The following PITPNM2 variants were observed in gnomAD, a reference collection of about 807,000 sequenced individuals.
PITPNM2 encodes the protein phosphatidylinositol transfer protein membrane associated 2.
A neutral mutation model predicts 132.2 loss-of-function variants in PITPNM2; 35 were observed. That is an observed-to-expected ratio of 0.26 (90% CI 0.20 to 0.35). The LOEUF (loss-of-function observed/expected upper bound fraction) is 0.35. Ranked by LOEUF, PITPNM2 falls within the 10% of genes least tolerant of loss-of-function variation. The pLI is 1.00. For missense variants in PITPNM2, 1,332 were observed against 1,912.0 expected (o/e 0.70, Z 5.66); for synonymous variants, 738 against 799.2 (o/e 0.92, Z 1.29).
chr12:123,006,719 GTAATAATAATAA>G lies in PITPNM2; in HGVS notation c.644-1183_644-1172del, dbSNP rs10612599. Among the ~76,000 whole-genome samples, 158 of 140,110 alleles carry G rather than the reference GTAATAATAATAA, an allele frequency of 1.1e-3. 1 individual carries two copies. Among genetic ancestry groups the G allele is most frequent in the Middle Eastern group, 3.6e-3 (1 of 278 alleles). The allele number at this position is 140,110 out of a possible 152,430, so 91.9% of individuals were successfully genotyped here. A position where few individuals can be genotyped will look rare whatever the true frequency, so the allele number is the denominator to read the frequency against. The stretch of plus-strand genomic sequence containing the variant: ...CAGAGTAAGACCCTGTCTCAAAATA[GTAATAATAATAA>G]TAATAATAATAATAATAATAATAGA... On this transcript the variant is annotated intron_variant, in intron 6 of 25. Transcript: ENST00000320201.
chr12:122,995,954 C>T (rs1332896388), intron 13 of PITPNM2, among the ~76,000 whole-genome samples: 3 of 152,218 alleles, frequency 2.0e-5, no homozygotes, highest in African/African-American at 7.2e-5. Flanking sequence ...CAGTGCAGAC[C>T]CTGGTTCAGG....
At position 123,000,250 on chromosome 12, in the gene PITPNM2, G is replaced by A; in HGVS notation, c.1224+528C>T. ...AAACAGCTCTGACGGCCCGCAGGTGGAGGAGGATGGGGCATGAACTCCCAC... is the reference window on the plus strand; with the variant it reads ...AAACAGCTCTGACGGCCCGCAGGTGAAGGAGGATGGGGCATGAACTCCCAC... On this transcript the variant is annotated intron_variant, in intron 10 of 25. Coordinates refer to ENST00000320201, the MANE Select transcript of PITPNM2 (RefSeq NM_020845.3). This position sits in a 1 kb window ranked among gnomAD's most constrained non-coding sequence, Gnocchi z 5.4. 2 of 606,970 alleles carry A rather than the reference G, an allele frequency of 3.3e-6. No individual in the cohort carries two copies. Among genetic ancestry groups the A allele is most frequent in the Non-Finnish European group, 5.9e-6 (2 of 340,870 alleles). 37.6% of individuals were successfully genotyped at this position (606,970 alleles called of 1,614,324 possible).
At chr12:123,145,605 T>C (rs2043598306) in intron 1 of PITPNM2, among the ~76,000 whole-genome samples, 1 of 152,182 alleles carries the variant, frequency 6.6e-6, no homozygotes, top group Admixed American at 6.5e-5. Flanking sequence ...GAAACTGATT[T>C]TTCCATGCTC....
At chr12:123,053,717 GCCA>G (rs2040934831) in intron 2 of PITPNM2, among the ~76,000 whole-genome samples, 1 of 151,992 alleles carries the variant, frequency 6.6e-6, no homozygotes, top group Non-Finnish European at 1.5e-5. Context: ...ACAGGCATGT[GCCA>G]CCACGCCCGG....
chr12:123,037,613 C>A (rs1361302440), intron 2 of PITPNM2, among the ~76,000 whole-genome samples: 1 of 152,196 alleles, frequency 6.6e-6, no homozygotes, highest in Admixed American at 6.5e-5. Context: ...CGAGTCTAAG[C>A]ATTCTGCCCT....
intron 18 of PITPNM2, among the ~76,000 whole-genome samples, chr12:122,989,183 C>A (rs2038075452): frequency 6.6e-6 from 1 of 152,184 alleles, no homozygotes; most frequent in Non-Finnish European, 1.5e-5. Flanking sequence ...GACCCTCTGC[C>A]CCGTGGCAAC....
rs1049229049 is a variant in PITPNM2, at chr12:122,992,403, C to A, written c.2404+96G>T. ...ATTCAGCACAAGCTGTCCCTCTCAC[C>A]TGGGGAAGAACCACGTAGCATGGAG... On this transcript the variant is annotated intron_variant, in intron 16 of 25. Transcript: ENST00000320201. This position sits in a 1 kb window ranked among gnomAD's most constrained non-coding sequence, Gnocchi z 6.5. 3.5e-6 allele frequency: 5 copies of A among 1,428,616 alleles called. No individual in the cohort carries two copies. In the African/African-American group the frequency reaches 5.8e-5, roughly 17 times the overall value. The allele number at this position is 1,428,616 out of a possible 1,614,324, so 88.5% of individuals were successfully genotyped here.
intron 3 of PITPNM2, among the ~76,000 whole-genome samples, chr12:123,024,141 A>G (rs1169899765): frequency 6.6e-6 from 1 of 152,238 alleles, no homozygotes; most frequent in African/African-American, 2.4e-5. Context: ...CATTTCTACA[A>G]AAAGATTATA....
At chr12:122,988,916 G>A in intron 18 of PITPNM2, 44 bp from the exon 19 acceptor site, 1 of 1,499,522 alleles carries the variant, frequency 6.7e-7, no homozygotes, top group South Asian at 1.3e-5. Context: ...TATAGCCCCA[G>A]ACAGGGACCC....
chr12:123,014,252 C>A (rs1238622193), intron 3 of PITPNM2, among the ~76,000 whole-genome samples: 1 of 152,246 alleles, frequency 6.6e-6, no homozygotes, highest in East Asian at 1.9e-4. Flanking sequence ...CTCTCCCAGA[C>A]CTAGTGCTGC....
chr12:123,035,165 A>G (rs940589885), intron 2 of PITPNM2, among the ~76,000 whole-genome samples: 5 of 152,236 alleles, frequency 3.3e-5, no homozygotes, highest in Non-Finnish European at 5.9e-5. Flanking sequence ...ACATCACTAC[A>G]TCCCAAGGGG....
At position 123,149,064 on chromosome 12, in the gene PITPNM2, C is replaced by T. The variant is rs759849897; in HGVS notation, c.-200+1689G>A. 7.4e-4 allele frequency among the ~76,000 whole-genome samples: 113 copies of T among 152,258 alleles called. 3 individuals carry two copies. In the Middle Eastern group the frequency reaches 0.01, roughly 14 times the overall value. ...CCCAGATCCCAGGGGGCCTTAGATA[C>T]GCAGAGGAATTCTTTCAGATTCCAT... On this transcript the variant is annotated intron_variant, in intron 1 of 25. Transcript: ENST00000320201.
rs2037926720 is a variant in PITPNM2, at chr12:122,986,249, G to A, written c.3828C>T (p.Gly1276=). 6.3e-7 allele frequency: 1 copy of A among 1,579,464 alleles called. No individual in the cohort carries two copies. The highest frequency in any genetic ancestry group is 1.3e-5 in the African/African-American group (1 of 74,686). Residue 1276 remains glycine, a synonymous_variant, in exon 26 of 26, where the codon GGC becomes GGT. Coordinates refer to ENST00000320201, the MANE Select transcript of PITPNM2 (RefSeq NM_020845.3). ...CGCCCTGGCCGGGCAGGCCGAAGCT[G>A]CCCTTGCGCAGCGCCATGCGGGTGG... ...NTATRMALRK[G]SFGLPGQGDF...
rs774846315 is a variant in PITPNM2, at chr12:123,013,981, G to T, written c.140C>A (p.Pro47Gln). ...GSGVEILENR[P>Q]YTDGPGGSGQ... ...AGAGCCGCCTGGGCCATCTGTGTAC[G>T]GCCGGTTCTCCAGGATCTCCACGCC... The change falls in exon 4 of 26, where the codon CCG (proline) becomes CAG (glutamine). Residue 47 changes from proline to glutamine, a missense_variant. Transcript: ENST00000320201. 6.2e-7 allele frequency: 1 copy of T among 1,614,244 alleles called. No homozygotes were observed. Among genetic ancestry groups the T allele is most frequent in the Non-Finnish European group, 8.5e-7 (1 of 1,180,042 alleles).
rs1326694199 is a variant in PITPNM2 at position 122,987,334 on chromosome 12, C to T, written c.3360G>A (p.Val1120=). 6 of 1,612,536 alleles carry T rather than the reference C, an allele frequency of 3.7e-6. No homozygotes were observed. In the East Asian group the frequency reaches 6.7e-5, roughly 18 times the overall value. ...FSIDGSFAAS[V]SIMGSDPKVR... is the part of the protein sequence containing the mutation. ...CCTTGGGGTCGCTGCCCATGATGGA[C>T]ACGCTAGCGGCAAAGGAACCGTCGA... Residue 1120 remains valine (V), a synonymous_variant, in exon 23 of 26, where the codon GTG becomes GTA. Transcript: ENST00000320201.
At chr12:123,021,971 A>G (rs2039686452) in intron 3 of PITPNM2, among the ~76,000 whole-genome samples, 1 of 152,216 alleles carries the variant, frequency 6.6e-6, no homozygotes, top group African/African-American at 2.4e-5. Context: ...AGGGAACATC[A>G]TCCCAGGATG....
intron 2 of PITPNM2, among the ~76,000 whole-genome samples, chr12:123,037,119 C>T (rs965967460): frequency 1.4e-4 from 21 of 152,178 alleles, no homozygotes; most frequent in African/African-American, 5.1e-4. Context: ...AAGCAATGGC[C>T]CTACAGTCCC....
At chr12:123,039,466 C>A (rs933700437) in intron 2 of PITPNM2, among the ~76,000 whole-genome samples, 3 of 152,076 alleles carry the variant, frequency 2.0e-5, no homozygotes, top group African/African-American at 4.8e-5. Context: ...ACAACTAAGA[C>A]AAATTTGGAG....
intron 8 of PITPNM2, among the ~76,000 whole-genome samples, chr12:123,002,816 T>G (rs936486914): frequency 3.3e-5 from 5 of 152,248 alleles, no homozygotes; most frequent in Admixed American, 6.5e-5. Context: ...ATATCCATCA[T>G]GTCAAATATT....
Sources: gnomAD v4.1 joint callset for allele counts (sites outside exome capture counted in the v4.1 genomes callset) on GRCh38, gnomAD v4.1.1 for gene constraint, Gnocchi (gnomAD v3.1) non-coding constraint, MANE v1.5 for transcripts, NCBI Gene and HGNC (gene_info 2026-07-23, HGNC 2026-07-21) for gene names.